The following ATP8A2 variants were observed in gnomAD, a reference collection of about 807,000 sequenced individuals.
The protein encoded by ATP8A2 is phospholipid-transporting ATPase IB.
A neutral mutation model predicts 165.6 loss-of-function variants in ATP8A2; 100 were observed. The observed-to-expected ratio is 0.60, with a 90% CI of 0.51 to 0.71. ATP8A2 has a LOEUF of 0.71. Among genes scored for constraint, ATP8A2 ranks in the 30% least tolerant of loss-of-function variants. The pLI, the probability that ATP8A2 is intolerant of heterozygous loss-of-function variation, is 0.00. For missense variants in ATP8A2, 1,227 were observed against 1,479.5 expected (o/e 0.83, Z 2.80); for synonymous variants, 543 against 548.8 (o/e 0.99, Z 0.15).
intron 33 of ATP8A2, among the ~76,000 whole-genome samples, chr13:25,891,294 C>A (rs1399416236): frequency 3.3e-5 from 5 of 152,082 alleles, no homozygotes; most frequent in Non-Finnish European, 7.4e-5. Flanking sequence ...GGATAGAAAT[C>A]AGGTTGCTTG....
intron 27 of ATP8A2, among the ~76,000 whole-genome samples, chr13:25,783,551 T>G (rs541238111): frequency 1.3e-5 from 2 of 152,252 alleles, no homozygotes; most frequent in Non-Finnish European, 2.9e-5. Flanking sequence ...GGGGCTGGCT[T>G]AGAGGAAGAC....
intron 24 of ATP8A2, among the ~76,000 whole-genome samples, chr13:25,623,693 A>G (rs1339461166): frequency 6.6e-6 from 1 of 152,064 alleles, no homozygotes; most frequent in African/African-American, 2.4e-5. Context: ...GACATGGGAG[A>G]ATTTTATCCT....
intron 1 of ATP8A2, among the ~76,000 whole-genome samples, chr13:25,420,731 A>G (rs2034275613): frequency 6.6e-6 from 1 of 152,252 alleles, no homozygotes. Flanking sequence ...CAATGCTCTC[A>G]TTCGCATGGT....
intron 27 of ATP8A2, among the ~76,000 whole-genome samples, chr13:25,820,016 C>T (rs1336687618): frequency 6.6e-6 from 1 of 152,168 alleles, no homozygotes; most frequent in Non-Finnish European, 1.5e-5. Context: ...ACCAGGGATC[C>T]TGAAAGAGCA....
At chr13:25,571,473 C>T (rs1199637721) in intron 17 of ATP8A2, 137 bp from the exon 18 acceptor site, 1 of 633,522 alleles carries the variant, frequency 1.6e-6, no homozygotes, top group Non-Finnish European at 2.8e-6. Context: ...GCTTCTCTAT[C>T]CTGAGTCTTT....
At chr13:25,517,517 G>A (rs2037519538) in intron 2 of ATP8A2, among the ~76,000 whole-genome samples, 1 of 152,172 alleles carries the variant, frequency 6.6e-6, no homozygotes, top group Non-Finnish European at 1.5e-5. Context: ...ATAGGAGCAG[G>A]ACAGTCACAC....
chr13:25,391,223 C>A (rs2033234343), intron 1 of ATP8A2, among the ~76,000 whole-genome samples: 1 of 152,160 alleles, frequency 6.6e-6, no homozygotes, highest in Admixed American at 6.5e-5. Flanking sequence ...GCTTCATCTG[C>A]ATTTTTATTA....
intron 25 of ATP8A2, among the ~76,000 whole-genome samples, chr13:25,709,574 A>G (rs1415165432): frequency 6.6e-6 from 1 of 152,220 alleles, no homozygotes; most frequent in Non-Finnish European, 1.5e-5. Flanking sequence ...TTCTATGTAG[A>G]TACATGAACA....
At position 25,812,664 on chromosome 13, in the gene ATP8A2, A is replaced by G. The variant is rs990645704; in HGVS notation, c.2680-15454A>G. Among the ~76,000 whole-genome samples the G allele has an allele frequency of 4.0e-5, 6 of 151,558 alleles. 1 individual carries two copies. Among genetic ancestry groups the G allele is most frequent in the African/African-American group, 1.5e-4 (6 of 41,248 alleles). On this transcript the variant is annotated intron_variant, in intron 27 of 36. Coordinates refer to ENST00000381655, the MANE Select transcript of ATP8A2 (RefSeq NM_016529.6). ...TTTCCATTTACCATTTCTGTGAAGT[A>G]TAACAAGTGATCAATAAAATAAACA...
chr13:25,443,826 T>C (rs2138207721), intron 1 of ATP8A2, among the ~76,000 whole-genome samples: 1 of 152,348 alleles, frequency 6.6e-6, no homozygotes, highest in East Asian at 1.9e-4. Context: ...CCTAGAAGGG[T>C]GCCTGGCACC....
chr13:25,868,340 A>G (rs1952574783), intron 33 of ATP8A2, among the ~76,000 whole-genome samples: 1 of 152,222 alleles, frequency 6.6e-6, no homozygotes. Context: ...TGCAATATTG[A>G]ATAGACTCGG....
chr13:25,995,749 G>T (rs1256969601), intron 35 of ATP8A2, among the ~76,000 whole-genome samples: 2 of 152,002 alleles, frequency 1.3e-5, no homozygotes, highest in Non-Finnish European at 2.9e-5. Context: ...GAAAGAATGT[G>T]CATTCTGTTG....
rs537521269 is a variant in ATP8A2, at chr13:25,807,380, C to T, written c.2680-20738C>T. ...TTTGTTAATGGTGTGAGGTAGTTGTCCAACTTCATTCTTTTGCATGTTGAT... is the reference window on the plus strand; with the variant it reads ...TTTGTTAATGGTGTGAGGTAGTTGTTCAACTTCATTCTTTTGCATGTTGAT... On this transcript the variant is annotated intron_variant, in intron 27 of 36. Coordinates refer to ENST00000381655, the MANE Select transcript of ATP8A2 (RefSeq NM_016529.6). 6.6e-5 allele frequency among the ~76,000 whole-genome samples: 10 copies of T among 152,184 alleles called. No homozygotes were observed. The South Asian group carries it at 2.1e-3, about 32-fold the overall frequency.
In ATP8A2 at chr13:25,529,999, T is replaced by A. The variant is rs2037978732; in HGVS notation, c.222T>A (p.Ser74Arg). 1 of 1,596,974 alleles carries A rather than the reference T, an allele frequency of 6.3e-7. No individual in the cohort carries two copies. The highest frequency in any genetic ancestry group is 8.6e-7 in the Non-Finnish European group (1 of 1,165,726). ...GTATTATTTTTCTTTGCACTTACAG[T>A]ACGGCCAAGTACAGCGTGTTGACAT... ...HLNKFRDNQISTAKYSVLTFL... is the reference protein window; with the variant it reads ...HLNKFRDNQIRTAKYSVLTFL... Residue 74 changes from serine to arginine, a missense_variant and splice_region_variant, in exon 3 of 37, where the codon AGT (serine) becomes AGA (arginine). By Grantham distance (110) the Ser-to-Arg change is moderately radical. Transcript: ENST00000381655.
At chr13:25,894,496 T>G (rs941289198) in intron 33 of ATP8A2, among the ~76,000 whole-genome samples, 46 of 152,142 alleles carry the variant, frequency 3.0e-4, no homozygotes, top group Admixed American at 1.6e-3. Flanking sequence ...TCTTTTGGCT[T>G]AGGATTGACT....
intron 29 of ATP8A2, among the ~76,000 whole-genome samples, chr13:25,838,828 C>T (rs946513932): frequency 4.6e-5 from 7 of 151,736 alleles, no homozygotes; most frequent in African/African-American, 1.7e-4. Context: ...GCGTGAGCAA[C>T]GCAGAAGACA....
At chr13:25,651,846 ATC>A (rs1414072320) in intron 24 of ATP8A2, among the ~76,000 whole-genome samples, 2 of 152,248 alleles carry the variant, frequency 1.3e-5, no homozygotes, top group African/African-American at 2.4e-5. Context: ...ATAAATAATT[ATC>A]TCTGTTTTTC....
chr13:25,574,909 G>A lies in ATP8A2; in HGVS notation c.1712+52G>A, dbSNP rs114132817. ...ATAAAATAATTATATTTATTTACCA[G>A]CTTCATCAGAGTGTTTACATGATTG... On this transcript the variant is annotated intron_variant, in intron 19 of 36. Transcript: ENST00000381655. The A allele has an allele frequency of 1.8e-3, 1,819 of 1,033,206 alleles. 30 individuals are homozygous for A. The African/African-American group carries it at 0.026, about 15-fold the overall frequency. The allele number at this position is 1,033,206 out of a possible 1,614,324, so 64.0% of individuals were successfully genotyped here.
chr13:25,539,257 TGGCTAATTTTTAAAAATTTTTTTGTAGA>T (rs2038391693), intron 7 of ATP8A2, among the ~76,000 whole-genome samples: 1 of 152,034 alleles, frequency 6.6e-6, no homozygotes, highest in Non-Finnish European at 1.5e-5. Flanking sequence ...CCACCATGCC[TGGCTAATTTTTAAAAATTTTTTTGTAGA>T]GGCTCATTTT....
Sources: gnomAD v4.1 joint callset for allele counts (sites outside exome capture counted in the v4.1 genomes callset) on GRCh38, gnomAD v4.1.1 for gene constraint, MANE v1.5 for transcripts, NCBI Gene and HGNC (gene_info 2026-07-23, HGNC 2026-07-21) for gene names.